Variants in POC5 observed in about 807,000 individuals in gnomAD.
The protein encoded by POC5 is centrosomal protein POC5.
Under a neutral mutation model 62.9 loss-of-function variants are expected in POC5, and 48 were observed. The ratio of observed to expected loss-of-function variants is 0.76; its 90% CI spans 0.61 to 0.97. The LOEUF is 0.97. Ranked by LOEUF, POC5 falls within the 50% of genes least tolerant of loss-of-function variation. The pLI is 0.00. For synonymous variants in POC5, 236 were observed against 228.2 expected, an observed-to-expected ratio of 1.03 and a Z score of -0.31; for missense variants, 696 against 679.5, an observed-to-expected ratio of 1.02 and a Z score of -0.27.
chr5:75,702,784 T>C lies in POC5; in HGVS notation c.334A>G (p.Lys112Glu). 2 of 1,584,296 alleles carry C rather than the reference T, an allele frequency of 1.3e-6. No homozygotes were observed. Among genetic ancestry groups the C allele is most frequent in the Middle Eastern group, 1.7e-4 (1 of 6,026 alleles). ...DESSPVLSPR[K>E]PSHPVMDFFS... ...AAATCCATGACTGGGTGAGAAGGCTTCCTTGGCGATAACACTGGTGATGAC... is the reference window on the plus strand; with the variant it reads ...AAATCCATGACTGGGTGAGAAGGCTCCCTTGGCGATAACACTGGTGATGAC... Residue 112 changes from lysine (K) to glutamate (E), a missense_variant, in exon 5 of 12, where the codon AAG becomes GAG. Transcript: ENST00000428202.
chr5:75,684,795 C>G (rs1776029482), intron 10 of POC5, among the ~76,000 whole-genome samples: 1 of 149,724 alleles, frequency 6.7e-6, no homozygotes, highest in Non-Finnish European at 1.5e-5. Flanking sequence ...AGTGACTTTG[C>G]CTAAATACCA....
intron 6 of POC5, 70 bp from the exon 7 acceptor site, chr5:75,692,570 A>G: frequency 2.8e-6 from 3 of 1,074,818 alleles, no homozygotes; most frequent in South Asian, 1.6e-5. Flanking sequence ...ATTTTCTCAT[A>G]TATCAAAAAA....
chr5:75,684,658 C>T (rs762678397), intron 10 of POC5, among the ~76,000 whole-genome samples: 14 of 151,834 alleles, frequency 9.2e-5, no homozygotes, highest in South Asian at 4.2e-4. Context: ...CCACCGCGCC[C>T]GGCTCCTACA....
At chr5:75,683,358 C>A (rs1335158696) in intron 10 of POC5, among the ~76,000 whole-genome samples, 1 of 151,734 alleles carries the variant, frequency 6.6e-6, no homozygotes, top group Non-Finnish European at 1.5e-5. Context: ...CTCAGCCTCC[C>A]AAGTAGCTGG....
At chr5:75,701,360 C>T (rs1234638170) in intron 5 of POC5, among the ~76,000 whole-genome samples, 12 of 123,918 alleles carry the variant, frequency 9.7e-5, no homozygotes, top group Non-Finnish European at 2.1e-4. Flanking sequence ...GAAAATGTGG[C>T]ACATATACAC....
At position 75,689,207 on chromosome 5, in the gene POC5, AAAG is replaced by A. The variant is rs562564480; in HGVS notation, c.976-45_976-43del. The A allele has an allele frequency of 4.2e-4, 627 of 1,493,184 alleles. 4 individuals are homozygous for A. Among genetic ancestry groups the A allele is most frequent in the South Asian group, 2.1e-3 (156 of 73,104 alleles). The allele number at this position is 1,493,184 out of a possible 1,614,324, so 92.5% of individuals were successfully genotyped here. A position where few individuals can be genotyped will look rare whatever the true frequency, so the allele number is the denominator to read the frequency against. On this transcript the variant is annotated intron_variant, in intron 8 of 11. Transcript: ENST00000428202. Reference sequence around the variant, plus strand: ...TAAAAAGCAAAACAATTTGAGATACAAAGAAGAATACTGTCAAAAAAATAGATA... The same window carrying A: ...TAAAAAGCAAAACAATTTGAGATACAAAGAATACTGTCAAAAAAATAGATA...
intron 10 of POC5, among the ~76,000 whole-genome samples, chr5:75,682,116 T>C (rs765550505): frequency 7.2e-4 from 109 of 152,208 alleles, no homozygotes; most frequent in Non-Finnish European, 8.2e-4. Flanking sequence ...GAAGTGGATA[T>C]AGTGGGATAG....
intron 2 of POC5, among the ~76,000 whole-genome samples, chr5:75,711,397 A>G (rs1378151441): frequency 6.6e-6 from 1 of 152,118 alleles, no homozygotes; most frequent in Admixed American, 6.5e-5. Flanking sequence ...TTCAGTGTAT[A>G]AGCACTATGG....
intron 10 of POC5, among the ~76,000 whole-genome samples, chr5:75,678,829 C>T (rs533541953): frequency 1.6e-4 from 24 of 152,222 alleles, no homozygotes; most frequent in African/African-American, 5.8e-4. Flanking sequence ...TGCTGCTTAT[C>T]GCTGGATAAT....
chr5:75,680,284 T>A (rs113819776), intron 10 of POC5, among the ~76,000 whole-genome samples: 2 of 152,190 alleles, frequency 1.3e-5, no homozygotes, highest in East Asian at 3.9e-4. Flanking sequence ...TCAGTAGCCA[T>A]GATTCTCACC....
Position 75,689,177 on chromosome 5 carries a change from A to G in POC5, c.976-12T>C, listed in dbSNP as rs1167452506. 4.6e-6 allele frequency: 7 copies of G among 1,518,670 alleles called. No individual in the cohort carries two copies. The African/African-American group carries it at 9.8e-5, about 21-fold the overall frequency. The allele number at this position is 1,518,670 out of a possible 1,614,324, so 94.1% of individuals were successfully genotyped here. A position where few individuals can be genotyped will look rare whatever the true frequency, so the allele number is the denominator to read the frequency against. ...AAAGCTCCAGATAACTAAAATAAGA[A>G]TGTTTAAAAAGCAAAACAATTTGAG... On this transcript the variant is annotated splice_polypyrimidine_tract_variant and intron_variant, in intron 8 of 11. Transcript: ENST00000428202.
intron 1 of POC5, among the ~76,000 whole-genome samples, chr5:75,715,867 C>A (rs1303994220): frequency 2.0e-5 from 3 of 152,052 alleles, no homozygotes; most frequent in Non-Finnish European, 2.9e-5. Context: ...GAGGAGTCAG[C>A]AAAGGAAGTC....
At chr5:75,703,124 C>T (rs1217993944) in intron 4 of POC5, among the ~76,000 whole-genome samples, 1 of 152,130 alleles carries the variant, frequency 6.6e-6, no homozygotes, top group East Asian at 1.9e-4. Context: ...ATCATATCAC[C>T]ATTAATGAAG....
Position 75,697,314 on chromosome 5 carries a change from G to T in POC5, c.514-2483C>A, listed in dbSNP as rs545291196. The stretch of plus-strand genomic sequence containing the variant: ...TTAAGGGCAGCCAGAGAGAAAGGTC[G>T]GGTTACCCTCAAAGGGAAGCCCATC... On this transcript the variant is annotated intron_variant, in intron 5 of 11. Transcript: ENST00000428202. 2.6e-3 allele frequency among the ~76,000 whole-genome samples: 391 copies of T among 152,024 alleles called. 1 individual carries two copies. The highest frequency in any genetic ancestry group is 9.0e-3 in the African/African-American group (374 of 41,460).
At chr5:75,716,558 C>G (rs1422925936) in intron 1 of POC5, among the ~76,000 whole-genome samples, 1 of 152,162 alleles carries the variant, frequency 6.6e-6, no homozygotes, top group Non-Finnish European at 1.5e-5. Context: ...TTATTTGAAA[C>G]TCTAGAACAG....
chr5:75,684,000 G>A (rs1410177234), intron 10 of POC5, among the ~76,000 whole-genome samples: 2 of 152,104 alleles, frequency 1.3e-5, no homozygotes, highest in African/African-American at 4.8e-5. Flanking sequence ...CAATATGCCC[G>A]GCCTCTTACC....
chr5:75,674,668 T>C (rs1246040353), intron 11 of POC5, 90 bp from the exon 12 acceptor site: 51 of 1,455,278 alleles, frequency 3.5e-5, no homozygotes, highest in Non-Finnish European at 4.6e-5. Context: ...TTTAACCCAA[T>C]AAACATTTGT....
chr5:75,701,219 G>A (rs1776864239), intron 5 of POC5, among the ~76,000 whole-genome samples: 1 of 142,286 alleles, frequency 7.0e-6, no homozygotes, highest in Admixed American at 7.1e-5. Context: ...CCCATTACGG[G>A]GTATATACCC....
intron 5 of POC5, among the ~76,000 whole-genome samples, chr5:75,697,661 A>C (rs7380748): frequency 0.17 from 25,492 of 151,944 alleles, 2,328 homozygotes; most frequent in South Asian, 0.21. Flanking sequence ...CGAGCAAAAT[A>C]ATCAGCTAAC....
Sources: gnomAD v4.1 joint callset for allele counts (sites outside exome capture counted in the v4.1 genomes callset) on GRCh38, gnomAD v4.1.1 for gene constraint, MANE v1.5 for transcripts, NCBI Gene and HGNC (gene_info 2026-07-23, HGNC 2026-07-21) for gene names.